Variants in ALK observed in about 807,000 individuals in gnomAD.
ALK encodes ALK receptor tyrosine kinase.
In ALK, 74 loss-of-function variants were observed where a neutral mutation model predicts 163.1. That is an observed-to-expected ratio of 0.45 (90% CI 0.38 to 0.55). The LOEUF (loss-of-function observed/expected upper bound fraction) is 0.55, where lower values mean the gene tolerates loss of function less well. ALK is among the 20% of genes least tolerant of loss of function. The probability of loss-of-function intolerance (pLI) is 0.00; values close to 1 mark genes in which losing one functional copy is unlikely to be tolerated. For missense variants in ALK, 2,063 were observed against 2,105.3 expected, an observed-to-expected ratio of 0.98 and a Z score of 0.39; for synonymous variants, 960 against 843.2, an observed-to-expected ratio of 1.14 and a Z score of -2.40.
intron 3 of ALK, among the ~76,000 whole-genome samples, chr2:29,546,431 T>C (rs1380197464): frequency 6.6e-6 from 1 of 152,220 alleles, no homozygotes; most frequent in Admixed American, 6.5e-5. Flanking sequence ...AAGCACTTGA[T>C]CTGACTAGAA....
chr2:29,735,170 G>A (rs1451431978), intron 1 of ALK, among the ~76,000 whole-genome samples: 3 of 151,140 alleles, frequency 2.0e-5, no homozygotes, highest in Non-Finnish European at 4.4e-5. Flanking sequence ...TGGGTAAGGA[G>A]AGGATGAGGC....
At chr2:29,835,046 C>T (rs999654991) in intron 1 of ALK, among the ~76,000 whole-genome samples, 35 of 152,278 alleles carry the variant, frequency 2.3e-4, no homozygotes, top group African/African-American at 7.9e-4. Flanking sequence ...GTCATTCAGG[C>T]GGGGCTGGTG....
At chr2:29,891,819 G>A (rs139252455) in intron 1 of ALK, among the ~76,000 whole-genome samples, 125 of 152,296 alleles carry the variant, frequency 8.2e-4, no homozygotes, top group African/African-American at 2.9e-3. Flanking sequence ...AAGCTTAGAT[G>A]CAGCAGGACT....
intron 3 of ALK, among the ~76,000 whole-genome samples, chr2:29,540,616 TTTCTCC>T (rs1023997755): frequency 6.6e-6 from 1 of 151,510 alleles, no homozygotes; most frequent in Non-Finnish European, 1.5e-5. Context: ...CCTATAGGTT[TTTCTCC>T]TCATAACTCT....
rs1322781138 is a variant in ALK, at chr2:29,229,035, G to A, written c.2664C>T (p.Ser888=). ...GCAAAGATTTTCCGGCCCAGAGCAA[G>A]GAAGTGTTATCATTCCAGCCACCTC... The part of the protein sequence containing the change: ...GGGGGWNDNT[S]LLWAGKSLQE... Residue 888 remains serine (S), a synonymous_variant, in exon 16 of 29, where the codon TCC becomes TCT. Transcript: ENST00000389048. The A allele has an allele frequency of 6.2e-6, 10 of 1,608,678 alleles. No individual in the cohort carries two copies. The highest frequency in any genetic ancestry group is 8.5e-6 in the Non-Finnish European group (10 of 1,177,522).
chr2:29,801,845 T>G (rs1572390292), intron 1 of ALK, among the ~76,000 whole-genome samples: 1 of 152,184 alleles, frequency 6.6e-6, no homozygotes, highest in East Asian at 1.9e-4. Context: ...TTTAGGATCC[T>G]GAAGGTCACT....
chr2:29,593,310 T>C (rs913438253), intron 3 of ALK, among the ~76,000 whole-genome samples: 11 of 152,162 alleles, frequency 7.2e-5, no homozygotes, highest in Non-Finnish European at 1.6e-4. Flanking sequence ...TTCCAGTATC[T>C]TAAAGGCTCG....
chr2:29,803,325 A>T (rs1664532103), intron 1 of ALK, among the ~76,000 whole-genome samples: 2 of 152,226 alleles, frequency 1.3e-5, no homozygotes, highest in African/African-American at 4.8e-5. Flanking sequence ...CCCACAAAGT[A>T]TTATTGTAAA....
At chr2:29,407,840 T>C (rs941228420) in intron 4 of ALK, among the ~76,000 whole-genome samples, 35 of 152,208 alleles carry the variant, frequency 2.3e-4, no homozygotes, top group African/African-American at 8.2e-4. Flanking sequence ...GCTCATCGCA[T>C]CACCTGGTAG....
chr2:29,895,163 C>T (rs1337773575), intron 1 of ALK, among the ~76,000 whole-genome samples: 6 of 152,174 alleles, frequency 3.9e-5, no homozygotes, highest in Non-Finnish European at 7.3e-5. Flanking sequence ...TGGCAAGTTA[C>T]ACACAAGGGC....
At chr2:29,473,973 T>C (rs1165804696) in intron 4 of ALK, among the ~76,000 whole-genome samples, 6 of 152,218 alleles carry the variant, frequency 3.9e-5, no homozygotes, top group African/African-American at 9.6e-5. Flanking sequence ...TCTCAATACA[T>C]TGCTGGGAGG....
At chr2:29,847,664 T>C (rs1191933245) in intron 1 of ALK, among the ~76,000 whole-genome samples, 2 of 151,712 alleles carry the variant, frequency 1.3e-5, no homozygotes, top group African/African-American at 4.8e-5. Flanking sequence ...AACGGGAAAA[T>C]AGGTGGATTT....
intron 3 of ALK, among the ~76,000 whole-genome samples, chr2:29,645,120 T>A (rs191754675): frequency 1.1e-4 from 16 of 152,228 alleles, no homozygotes; most frequent in African/African-American, 3.9e-4. Flanking sequence ...TCTTTTCTTC[T>A]CTTTTGTAAT....
intron 1 of ALK, among the ~76,000 whole-genome samples, chr2:29,912,463 A>G (rs1010697949): frequency 2.6e-5 from 4 of 152,124 alleles, no homozygotes; most frequent in Admixed American, 2.6e-4. Flanking sequence ...ATAATTCTGA[A>G]CCTAGTAAAA....
chr2:29,911,889 G>C (rs1667712912), intron 1 of ALK, among the ~76,000 whole-genome samples: 1 of 152,160 alleles, frequency 6.6e-6, no homozygotes, highest in Non-Finnish European at 1.5e-5. Flanking sequence ...TAAGGTGAAA[G>C]TAAACACTCT....
intron 3 of ALK, among the ~76,000 whole-genome samples, chr2:29,604,865 A>G (rs1675496699): frequency 6.6e-6 from 1 of 152,210 alleles, no homozygotes; most frequent in African/African-American, 2.4e-5. Context: ...AACCAGAGCT[A>G]TACAAAGGTG....
At chr2:29,772,721 G>A (rs750687793) in intron 1 of ALK, among the ~76,000 whole-genome samples, 3 of 152,190 alleles carry the variant, frequency 2.0e-5, no homozygotes, top group East Asian at 1.9e-4. Context: ...TGTTTTTCAC[G>A]ACAAGCCTTA....
chr2:29,750,521 G>T (rs1680327658), intron 1 of ALK, among the ~76,000 whole-genome samples: 1 of 151,852 alleles, frequency 6.6e-6, no homozygotes, highest in Admixed American at 6.6e-5. Context: ...AAATTAGCTG[G>T]GCATGGTGGC....
chr2:29,560,815 A>AGT (rs1185696710), intron 3 of ALK, among the ~76,000 whole-genome samples: 7 of 151,896 alleles, frequency 4.6e-5, no homozygotes, highest in African/African-American at 1.7e-4. Flanking sequence ...CAAGTGATCC[A>AGT]CCTAACTTGG....
Sources: allele counts gnomAD v4.1 joint callset (sites outside exome capture counted in the v4.1 genomes callset), GRCh38; gene constraint gnomAD v4.1.1; transcripts MANE v1.5; gene names NCBI Gene and HGNC (gene_info 2026-07-23, HGNC 2026-07-21).